ITGB3BP: variants seen among roughly 807,000 people sequenced by gnomAD.
ITGB3BP encodes centromere protein R.
Under a neutral mutation model 29.1 loss-of-function variants are expected in ITGB3BP, and 27 were observed. That is an observed-to-expected ratio of 0.93 (90% CI 0.68 to 1.28). The LOEUF (loss-of-function observed/expected upper bound fraction) is 1.28, where lower values mean the gene tolerates loss of function less well. ITGB3BP is among the 50% of genes most tolerant of loss of function. The probability of loss-of-function intolerance (pLI) is 0.00; values close to 1 mark genes in which losing one functional copy is unlikely to be tolerated. For missense variants in ITGB3BP, 192 were observed against 200.2 expected, an observed-to-expected ratio of 0.96 and a Z score of 0.25; for synonymous variants, 61 against 61.4, an observed-to-expected ratio of 0.99 and a Z score of 0.03.
chr1:63,469,405 C>T (rs1032060925), intron 4 of ITGB3BP, among the ~76,000 whole-genome samples: 3 of 151,926 alleles, frequency 2.0e-5, no homozygotes, highest in African/African-American at 4.8e-5. Context: ...CGGCTCACCA[C>T]AACCTCTGCC....
intron 4 of ITGB3BP, among the ~76,000 whole-genome samples, chr1:63,473,558 T>G (rs372429684): frequency 1.1e-5 from 1 of 94,262 alleles, no homozygotes; most frequent in South Asian, 4.1e-4. Flanking sequence ...CTGCCCCATC[T>G]GGGAGGGGGG....
intron 3 of ITGB3BP, among the ~76,000 whole-genome samples, chr1:63,487,386 A>G (rs146912840): frequency 3.3e-3 from 506 of 152,226 alleles, no homozygotes; most frequent in Non-Finnish European, 5.4e-3. Context: ...ATGTACATAC[A>G]AATTAAAAAA....
chr1:63,470,665 C>T (rs190187600), intron 4 of ITGB3BP, among the ~76,000 whole-genome samples: 4 of 152,236 alleles, frequency 2.6e-5, no homozygotes, highest in Admixed American at 2.0e-4. Flanking sequence ...TGTTGATGGA[C>T]ATCTGGATAT....
At chr1:63,493,088 A>ACGTGCGCG (rs1645696180) in intron 2 of ITGB3BP, among the ~76,000 whole-genome samples, 1 of 148,848 alleles carries the variant, frequency 6.7e-6, no homozygotes, top group East Asian at 2.0e-4. Context: ...ACACACACAC[A>ACGTGCGCG]CGCGCGCGCG....
intron 7 of ITGB3BP, among the ~76,000 whole-genome samples, chr1:63,448,772 T>C (rs1431581857): frequency 6.6e-6 from 1 of 152,168 alleles, no homozygotes; most frequent in Non-Finnish European, 1.5e-5. Flanking sequence ...TTTTACAGTA[T>C]TTTTATTTAA....
chr1:63,488,788 C>T (rs1267295333), intron 3 of ITGB3BP, among the ~76,000 whole-genome samples: 1 of 151,956 alleles, frequency 6.6e-6, no homozygotes, highest in Non-Finnish European at 1.5e-5. Context: ...CTATGTAGGT[C>T]AAAAAACAGA....
chr1:63,450,312 C>G (rs1397875518), intron 7 of ITGB3BP, among the ~76,000 whole-genome samples: 1 of 151,934 alleles, frequency 6.6e-6, no homozygotes, highest in Non-Finnish European at 1.5e-5. Flanking sequence ...ATGTTTTGGA[C>G]TGAAGCTAAG....
chr1:63,520,021 T>C (rs951826207), intron 1 of ITGB3BP, among the ~76,000 whole-genome samples: 2 of 152,124 alleles, frequency 1.3e-5, no homozygotes, highest in Non-Finnish European at 2.9e-5. Context: ...AGAGTATCTT[T>C]GGCTGAATTA....
At chr1:63,460,023 A>C (rs1644991504) in intron 4 of ITGB3BP, among the ~76,000 whole-genome samples, 1 of 152,100 alleles carries the variant, frequency 6.6e-6, no homozygotes, top group African/African-American at 2.4e-5. Context: ...TGTCAAAAAA[A>C]AAAATTCCCC....
Position 63,440,961 on chromosome 1 carries a change from A to G in ITGB3BP, c.*144T>C, listed in dbSNP as rs1447623227. The stretch of plus-strand genomic sequence containing the variant: ...AGAAAGTTTAAATTAGCTGCAAGAA[A>G]TTTTATCTAGACATGCACCTGCCAA... On this transcript the variant is annotated 3_prime_UTR_variant, in exon 9 of 9. Transcript: ENST00000271002. 1 of 152,644 alleles carries G rather than the reference A, an allele frequency of 6.6e-6. No individual in the cohort carries two copies. The highest frequency in any genetic ancestry group is 1.5e-5 in the Non-Finnish European group (1 of 68,030). The allele number at this position is 152,644 out of a possible 1,614,324, so 9.5% of individuals were successfully genotyped here.
intron 8 of ITGB3BP, among the ~76,000 whole-genome samples, chr1:63,444,407 T>C (rs1213851212): frequency 6.7e-6 from 1 of 149,330 alleles, no homozygotes; most frequent in Non-Finnish European, 1.5e-5. Flanking sequence ...TGAATGAATA[T>C]AAGTGTATGT....
intron 1 of ITGB3BP, chr1:63,522,902 T>C: frequency 1.7e-5 from 12 of 715,998 alleles, no homozygotes; most frequent in South Asian, 1.4e-4. Context: ...TTACGAAATC[T>C]GTCAAAAGCA....
chr1:63,510,172 G>A (rs960046344), intron 1 of ITGB3BP: 30 of 529,040 alleles, frequency 5.7e-5, no homozygotes, highest in Admixed American at 2.5e-4. Context: ...CCTGGGCAAC[G>A]GGAGCAAAAC....
At chr1:63,456,236 A>G (rs550258439) in intron 4 of ITGB3BP, among the ~76,000 whole-genome samples, 1 of 152,364 alleles carries the variant, frequency 6.6e-6, no homozygotes, top group East Asian at 1.9e-4. Context: ...AGTTTCAACT[A>G]AGTAAAATTT....
At chr1:63,478,976 TG>T (rs1345056459) in intron 3 of ITGB3BP, 143 bp from the exon 4 acceptor site, 1 of 380,612 alleles carries the variant, frequency 2.6e-6, no homozygotes, top group Non-Finnish European at 4.7e-6. Flanking sequence ...TATCCTATTT[TG>T]TTTTTTTTCA....
intron 1 of ITGB3BP, among the ~76,000 whole-genome samples, chr1:63,520,267 A>G (rs995530103): frequency 3.3e-5 from 5 of 152,198 alleles, no homozygotes; most frequent in Non-Finnish European, 7.4e-5. Flanking sequence ...GAGGACACTG[A>G]GTAACAATCT....
chr1:63,488,658 A>G (rs1401347092), intron 3 of ITGB3BP, among the ~76,000 whole-genome samples: 1 of 152,084 alleles, frequency 6.6e-6, no homozygotes, highest in African/African-American at 2.4e-5. Context: ...ACATAATCTC[A>G]TACAGAATTC....
At chr1:63,469,834 C>G (rs992922187) in intron 4 of ITGB3BP, among the ~76,000 whole-genome samples, 3 of 152,206 alleles carry the variant, frequency 2.0e-5, no homozygotes, top group Non-Finnish European at 4.4e-5. Flanking sequence ...TAAACTGGCC[C>G]TAAACTGGCC....
At position 63,491,070 on chromosome 1, in the gene ITGB3BP, C is replaced by T. The variant is rs529165853; in HGVS notation, c.49-852G>A. ...GGCTATGTGCATTTGGGCCTCAGAT[C>T]ATTTTGTGATCTCAGCTTGGAACAT... On this transcript the variant is annotated intron_variant, in intron 2 of 8. Transcript: ENST00000271002. Among the ~76,000 whole-genome samples, 6 of 152,104 alleles carry T rather than the reference C, an allele frequency of 3.9e-5. No individual in the cohort carries two copies. The South Asian group carries it at 1.3e-3, about 32-fold the overall frequency.
Sources: allele counts gnomAD v4.1 joint callset (sites outside exome capture counted in the v4.1 genomes callset), GRCh38; gene constraint gnomAD v4.1.1; transcripts MANE v1.5; gene names NCBI Gene and HGNC (gene_info 2026-07-23, HGNC 2026-07-21).